ZNF600: variants seen among roughly 807,000 people sequenced by gnomAD.
The protein encoded by ZNF600 is zinc finger protein KR-ZNF1.
Under a neutral mutation model 7.3 loss-of-function variants are expected in ZNF600, and 4 were observed. The ratio of observed to expected loss-of-function variants is 0.55; its 90% CI spans 0.27 to 1.25. The LOEUF is 1.25. Ranked by LOEUF, ZNF600 falls within the 50% of genes most tolerant of loss-of-function variation. ZNF600 has a pLI of 0.12. For synonymous variants in ZNF600, 290 were observed against 308.9 expected, an observed-to-expected ratio of 0.94 and a Z score of 0.64; for missense variants, 911 against 922.1, an observed-to-expected ratio of 0.99 and a Z score of 0.16.
chr19:52,785,646 T>C (rs1249781672), intron 1 of ZNF600, among the ~76,000 whole-genome samples: 1 of 151,998 alleles, frequency 6.6e-6, no homozygotes, highest in Non-Finnish European at 1.5e-5. Context: ...TCTCCTCTGC[T>C]CTCCCTATTA....
the ZNF600 span, chr19:52,799,228 A>G: frequency 0.88 from 350,624 of 396,600 alleles, 155,530 homozygotes; most frequent in Middle Eastern, 0.94. Flanking sequence ...ATTACAAGGT[A>G]TGAATTTTGA....
chr19:52,818,952 G>A, the ZNF600 span, among the ~76,000 whole-genome samples: 1 of 139,948 alleles, frequency 7.1e-6, no homozygotes, highest in Non-Finnish European at 1.5e-5. Context: ...CTTGAGTAAT[G>A]TGATAGACAC....
the ZNF600 span, among the ~76,000 whole-genome samples, chr19:52,808,642 A>G: frequency 1.3e-5 from 2 of 150,840 alleles, no homozygotes; most frequent in Non-Finnish European, 3.0e-5. Context: ...AAAAAAAAAA[A>G]TTAAAAAAAA....
the ZNF600 span, chr19:52,810,819 T>C: frequency 0.56 from 160,009 of 287,980 alleles, 54,324 homozygotes; most frequent in Non-Finnish European, 0.69. Context: ...AAAAAATATA[T>C]ATATATTTTT....
intron 1 of ZNF600, among the ~76,000 whole-genome samples, chr19:52,785,404 C>G (rs187959803): frequency 3.9e-5 from 6 of 151,984 alleles, no homozygotes; most frequent in Admixed American, 2.6e-4. Flanking sequence ...CATGTGCAAC[C>G]GCTCCCAGCT....
chr19:52,775,075 A>C (rs551479160), intron 2 of ZNF600, among the ~76,000 whole-genome samples: 7 of 152,190 alleles, frequency 4.6e-5, no homozygotes, highest in South Asian at 4.1e-4. Context: ...ACCTGTCTCT[A>C]CTAAAAATAT....
chr19:52,765,810 C>T (rs192291135), exon 4 of ZNF600: 46 of 1,613,704 alleles, frequency 2.9e-5, no homozygotes, highest in African/African-American at 1.7e-4. Flanking sequence ...GTGTGATTTG[C>T]GACTGAAAAC....
At chr19:52,826,088 G>T in the ZNF600 span, among the ~76,000 whole-genome samples, 1 of 152,168 alleles carries the variant, frequency 6.6e-6, no homozygotes, top group African/African-American at 2.4e-5. Flanking sequence ...TGAGCCAAGG[G>T]AACTGGTGGA....
the ZNF600 span, among the ~76,000 whole-genome samples, chr19:52,792,103 G>A: frequency 6.6e-6 from 1 of 152,212 alleles, no homozygotes; most frequent in Non-Finnish European, 1.5e-5. Flanking sequence ...AGCCAGGGTT[G>A]AGCTCCACTC....
chr19:52,798,145 A>G, the ZNF600 span: 1 of 157,668 alleles, frequency 6.3e-6, no homozygotes, highest in Admixed American at 6.4e-5. Context: ...CAAAAAAAAG[A>G]AAAAAGAAAG....
At chr19:52,817,097 G>C in the ZNF600 span, among the ~76,000 whole-genome samples, 3 of 152,104 alleles carry the variant, frequency 2.0e-5, no homozygotes, top group African/African-American at 7.2e-5. Flanking sequence ...AATAGGCCAG[G>C]AACGGTGGCT....
At chr19:52,776,086 T>G (rs372447172) in intron 2 of ZNF600, among the ~76,000 whole-genome samples, 2 of 45,938 alleles carry the variant, frequency 4.4e-5, no homozygotes, top group Admixed American at 3.1e-4. Flanking sequence ...TTCCCACTGT[T>G]CTAAGTGCTT....
At chr19:52,813,269 A>AAAAAAAAAAAAAAAAAC in the ZNF600 span, among the ~76,000 whole-genome samples, 1 of 149,606 alleles carries the variant, frequency 6.7e-6, no homozygotes, top group Non-Finnish European at 1.5e-5. Flanking sequence ...AAAAAAAAAA[A>AAAAAAAAAAAAAAAAAC]AAGACATACT....
At chr19:52,808,246 T>C in the ZNF600 span, 12 of 1,525,136 alleles carry the variant, frequency 7.9e-6, no homozygotes, top group South Asian at 1.6e-4. Flanking sequence ...TTCTCACAAA[T>C]CCGAGTGACG....
the ZNF600 span, chr19:52,799,407 C>T: frequency 1.5e-6 from 1 of 656,614 alleles, no homozygotes; most frequent in Non-Finnish European, 2.7e-6. Flanking sequence ...TGATTTGCAA[C>T]CGAAAACTTT....
chr19:52,766,325 C>T (rs1455518527), exon 4 of ZNF600: 6 of 1,614,014 alleles, frequency 3.7e-6, no homozygotes, highest in African/African-American at 1.3e-5. Context: ...ACGCAAAAGC[C>T]TTGTCACAAA....
chr19:52,777,030 A>G lies in ZNF600; in HGVS notation c.63+1796T>C, dbSNP rs373160782. ...TAAAGTAAAATCAATGATGTAAGAA[A>G]GCATCCTGTACCACTGATGCCTATC... On this transcript the variant is annotated intron_variant, in intron 2 of 3. Transcript: ENST00000648973. Among the ~76,000 whole-genome samples the G allele has an allele frequency of 5.6e-4, 85 of 152,212 alleles. 3 individuals are homozygous for G. In the South Asian group the frequency reaches 0.017, roughly 30 times the overall value.
the ZNF600 span, chr19:52,807,918 T>C: frequency 6.3e-7 from 1 of 1,584,302 alleles, no homozygotes. Context: ...ACGGCTTCCA[T>C]TTTAGTCAAG....
At chr19:52,766,056 G>A (rs1293885927) in exon 4 of ZNF600, 4 of 1,614,124 alleles carry the variant, frequency 2.5e-6, no homozygotes, top group Non-Finnish European at 3.4e-6. Context: ...AACAAGGGAT[G>A]GCTTGTGACT....
Sources: gnomAD v4.1 joint callset for allele counts (sites outside exome capture counted in the v4.1 genomes callset) on GRCh38, gnomAD v4.1.1 for gene constraint, MANE v1.5 for transcripts, NCBI Gene and HGNC (gene_info 2026-07-23, HGNC 2026-07-21) for gene names.